The following UTP14A variants were observed in gnomAD, a reference collection of about 807,000 sequenced individuals.
UTP14A encodes UTP14A small subunit processome component.
A neutral mutation model predicts 57.2 loss-of-function variants in UTP14A; 5 were observed. The ratio of observed to expected loss-of-function variants is 0.09; its 90% CI spans 0.05 to 0.18. UTP14A has a LOEUF of 0.18. Ranked by LOEUF, UTP14A falls within the 10% of genes least tolerant of loss-of-function variation. The pLI is 1.00. For missense variants in UTP14A, 430 were observed against 562.1 expected, an observed-to-expected ratio of 0.76 and a Z score of 2.38; for synonymous variants, 169 against 210.9, an observed-to-expected ratio of 0.80 and a Z score of 1.72.
chrX:129,910,968 T>G, intron 4 of UTP14A, 40 bp from the exon 5 acceptor site: 1 of 1,201,416 alleles, frequency 8.3e-7, no homozygotes, highest in Non-Finnish European at 1.1e-6. Flanking sequence ...AGATCTTGTC[T>G]CACTTCTTGG....
At position 129,927,585 on chromosome X, in the gene UTP14A, C is replaced by G. The variant is rs180975880; in HGVS notation, c.2043+1246C>G. On this transcript the variant is annotated intron_variant, in intron 14 of 14. Transcript: ENST00000394422. ...GCAGTGGCACGATCCCAGCTCACTG[C>G]AACCTCCACCTCCCAAGTTCAAGCT... is the stretch of plus-strand genomic sequence containing the variant. Among the ~76,000 whole-genome samples the G allele has an allele frequency of 6.2e-3, 693 of 111,998 alleles. 8 individuals are homozygous for G. Among genetic ancestry groups the G allele is most frequent in the African/African-American group, 0.021 (655 of 30,792 alleles).
At chrX:129,927,998 C>G (rs941293538) in intron 14 of UTP14A, among the ~76,000 whole-genome samples, 20 of 110,963 alleles carry the variant, frequency 1.8e-4, no homozygotes, top group African/African-American at 6.2e-4. Flanking sequence ...TCACTTCCCC[C>G]CTCTAAGCCA....
intron 6 of UTP14A, among the ~76,000 whole-genome samples, chrX:129,915,897 TTC>T (rs1929670365): frequency 1.8e-5 from 2 of 110,756 alleles, no homozygotes; most frequent in Admixed American, 9.7e-5. Flanking sequence ...TCTGGGTATT[TTC>T]TCTCTCTGGC....
intron 11 of UTP14A, chrX:129,922,835 T>G (rs2124216137): frequency 9.0e-6 from 1 of 110,864 alleles, no homozygotes; most frequent in South Asian, 3.8e-4. Context: ...TGGATATTTT[T>G]GGGATTAATA....
At chrX:129,909,980 GT>G (rs1319342973) in intron 4 of UTP14A, among the ~76,000 whole-genome samples, 8 of 112,140 alleles carry the variant, frequency 7.1e-5, no homozygotes, top group Admixed American at 5.7e-4. Context: ...AGCTCATGGG[GT>G]TTACATTCTA....
chrX:129,926,755 G>A (rs1272515778), intron 14 of UTP14A, among the ~76,000 whole-genome samples: 1 of 111,841 alleles, frequency 8.9e-6, no homozygotes, highest in Non-Finnish European at 1.9e-5. Context: ...TAAAGTAGAA[G>A]TTAGAGGACA....
intron 11 of UTP14A, among the ~76,000 whole-genome samples, chrX:129,923,864 G>A (rs1287094836): frequency 9.0e-6 from 1 of 111,217 alleles, no homozygotes; most frequent in African/African-American, 3.3e-5. Flanking sequence ...TCCCAAGCAG[G>A]GTTTACTGCA....
At chrX:129,926,376 T>C (rs912886359) in intron 14 of UTP14A, 37 bp downstream of exon 14, 3 of 1,131,160 alleles carry the variant, frequency 2.7e-6, no homozygotes, top group Non-Finnish European at 3.6e-6. Context: ...GCCTGCTTGT[T>C]ACTGCCTGGC....
intron 6 of UTP14A, 68 bp downstream of exon 6, chrX:129,911,989 A>G (rs773249779): frequency 8.7e-7 from 1 of 1,147,307 alleles, no homozygotes; most frequent in Admixed American, 2.4e-5. Flanking sequence ...CCTGCAATTG[A>G]TTTGATTGGA....
intron 4 of UTP14A, 55 bp downstream of exon 4, chrX:129,908,789 A>G (rs1431468783): frequency 3.6e-6 from 4 of 1,105,415 alleles, no homozygotes; most frequent in African/African-American, 3.6e-5. Context: ...TTCCAAGGGC[A>G]TTGTGTTCAC....
Position 129,920,235 on chromosome X carries a change from C to G in UTP14A, c.753-222C>G, listed in dbSNP as rs748164289. Among the ~76,000 whole-genome samples, 3 of 110,805 alleles carry G rather than the reference C, an allele frequency of 2.7e-5. No individual in the cohort carries two copies. The Admixed American group carries it at 2.9e-4, about 11-fold the overall frequency. The stretch of plus-strand genomic sequence containing the variant: ...CTACCCCTCCCTTGAGTTATAGAGG[C>G]AAAGGAGACTCTTTGAGCTGCAGAG... On this transcript the variant is annotated intron_variant, in intron 8 of 14. Transcript: ENST00000394422.
rs762672301 is a variant in UTP14A, at chrX:129,928,622, T to C, written c.2044-714T>C. ...ACAAAAAATTAGCCGGGCGTGGTGG[T>C]GGGCACCTGTAGTCCCAGCTACTCG... On this transcript the variant is annotated intron_variant, in intron 14 of 14. Transcript: ENST00000394422. Among the ~76,000 whole-genome samples, 761 of 104,308 alleles carry C rather than the reference T, an allele frequency of 7.3e-3. 2 individuals carry two copies. The highest frequency in any genetic ancestry group is 0.026 in the African/African-American group (729 of 28,560). 90.6% of individuals were successfully genotyped at this position (104,308 alleles called of 115,157 possible).
intron 11 of UTP14A, among the ~76,000 whole-genome samples, chrX:129,924,188 T>C (rs1316540615): frequency 9.1e-6 from 1 of 110,465 alleles, no homozygotes; most frequent in African/African-American, 3.3e-5. Context: ...TTCAGGCTGG[T>C]CTCGAACTCC....
intron 11 of UTP14A, chrX:129,923,164 G>T (rs1246490101): frequency 8.9e-6 from 1 of 112,556 alleles, no homozygotes; most frequent in African/African-American, 3.2e-5. Flanking sequence ...GTGTCCAAAG[G>T]CCAGATCTAA....
intron 4 of UTP14A, among the ~76,000 whole-genome samples, chrX:129,909,352 G>A (rs1929375804): frequency 1.8e-5 from 2 of 110,060 alleles, no homozygotes; most frequent in South Asian, 7.8e-4. Context: ...TGGGACTACA[G>A]GTGCCCGCCA....
At chrX:129,923,148 G>A (rs1354995688) in intron 11 of UTP14A, 1 of 112,578 alleles carries the variant, frequency 8.9e-6, no homozygotes, top group Non-Finnish European at 1.9e-5. Context: ...AGAAATAAAC[G>A]TACATGTGTC....
Position 129,917,323 on chromosome X carries a change from G to A in UTP14A, c.538-1852G>A, listed in dbSNP as rs187942080. 2.6e-4 allele frequency among the ~76,000 whole-genome samples: 29 copies of A among 112,040 alleles called. No individual in the cohort carries two copies. The East Asian group carries it at 7.5e-3, about 29-fold the overall frequency. On this transcript the variant is annotated intron_variant, in intron 6 of 14. Transcript: ENST00000394422. The stretch of plus-strand genomic sequence containing the variant: ...GTTTTATGGTTAAATCAATAGCATC[G>A]TGTAACATGTGATGATGTGCGTTTA...
intron 8 of UTP14A, among the ~76,000 whole-genome samples, chrX:129,920,179 A>G (rs1441821057): frequency 9.3e-6 from 1 of 107,244 alleles, no homozygotes; most frequent in Non-Finnish European, 1.9e-5. Context: ...ACAGAGTGAG[A>G]CCCTGTCTAA....
In UTP14A at chrX:129,924,796, T is replaced by C. The variant is rs1412397583; in HGVS notation, c.1350T>C (p.Asp450=). 3.4e-6 allele frequency: 4 copies of C among 1,189,609 alleles called. No individual in the cohort carries two copies. The highest frequency in any genetic ancestry group is 4.5e-6 in the Non-Finnish European group (4 of 889,030). The change falls in exon 12 of 15, where the codon GAT becomes GAC. Residue 450 remains aspartate, a splice_region_variant and synonymous_variant. Transcript: ENST00000394422. ...AEPAGSQETK[D]SGSQEVLSEL... ...AGTTTTCATTCTTTTTTCCCCCAGA[T>C]TCTGGCAGCCAGGAGGTGCTGTCTG...
Sources: gnomAD v4.1 joint callset for allele counts (sites outside exome capture counted in the v4.1 genomes callset) on GRCh38, gnomAD v4.1.1 for gene constraint, MANE v1.5 for transcripts, NCBI Gene and HGNC (gene_info 2026-07-23, HGNC 2026-07-21) for gene names.